Variants in RAB9A observed in about 807,000 individuals in gnomAD.
RAB9A encodes the protein ras-related protein Rab-9A.
RAB9A carries 1 observed loss-of-function variant against 10.3 expected under a neutral mutation model. The ratio of observed to expected loss-of-function variants is 0.10; its 90% confidence interval spans 0.03 to 0.46. The LOEUF (loss-of-function observed/expected upper bound fraction) is 0.46. RAB9A is among the 20% of genes least tolerant of loss of function. The probability of loss-of-function intolerance (pLI) is 0.96; values close to 1 mark genes in which losing one functional copy is unlikely to be tolerated. For synonymous variants in RAB9A, 39 were observed against 55.2 expected, an observed-to-expected ratio of 0.71 and a Z score of 1.30; for missense variants, 92 against 150.3, an observed-to-expected ratio of 0.61 and a Z score of 2.03.
chrX:13,693,013 G>A lies in RAB9A; in HGVS notation c.-116+3725G>A, dbSNP rs369129101. Among the ~76,000 whole-genome samples, 3 of 112,383 alleles carry A rather than the reference G, an allele frequency of 2.7e-5. No individual in the cohort carries two copies. In the East Asian group the frequency reaches 8.4e-4, roughly 31 times the overall value. ...GTCGAGATAAATTGGTGCTAGAGTT[G>A]TCTTGTTTGATCATTAATTGGCTTG... is the stretch of plus-strand genomic sequence containing the variant. On this transcript the variant is annotated intron_variant, in intron 1 of 2. Coordinates refer to ENST00000464506, the MANE Select transcript of RAB9A (RefSeq NM_004251.5).
chrX:13,708,137 C>T (rs773862247), intron 2 of RAB9A, among the ~76,000 whole-genome samples: 9 of 110,604 alleles, frequency 8.1e-5, no homozygotes, highest in African/African-American at 3.0e-4. Context: ...GCCTGGGCAA[C>T]GTGGTTGAGA....
chrX:13,699,369 G>A (rs1351759475), intron 1 of RAB9A, among the ~76,000 whole-genome samples: 1 of 112,206 alleles, frequency 8.9e-6, no homozygotes, highest in Non-Finnish European at 1.9e-5. Flanking sequence ...TATACTCTTC[G>A]TTCTCAATGT....
chrX:13,701,743 G>T (rs1052140413), intron 1 of RAB9A, among the ~76,000 whole-genome samples: 1 of 111,327 alleles, frequency 9.0e-6, no homozygotes, highest in Non-Finnish European at 1.9e-5. Context: ...CCACACGGCT[G>T]ACTAGGAGTT....
intron 1 of RAB9A, among the ~76,000 whole-genome samples, chrX:13,698,942 C>T (rs1288876575): frequency 1.0e-5 from 1 of 96,772 alleles, no homozygotes; most frequent in Admixed American, 1.2e-4. Context: ...AGGGTGAATC[C>T]AAAGGAACTT....
At chrX:13,707,271 A>G (rs2046202129) in intron 2 of RAB9A, among the ~76,000 whole-genome samples, 1 of 112,021 alleles carries the variant, frequency 8.9e-6, no homozygotes, top group African/African-American at 3.2e-5. Context: ...ACATTTTAGT[A>G]TACTTAAAAA....
chrX:13,700,707 A>G (rs2046169302), intron 1 of RAB9A, among the ~76,000 whole-genome samples: 2 of 111,743 alleles, frequency 1.8e-5, no homozygotes, highest in African/African-American at 6.5e-5. Context: ...AGTAGTGTAA[A>G]TCTAATTCTA....
rs1481489324 is a variant in RAB9A at position 13,697,485 on chromosome X, C to G, written c.-115-6329C>G. Among the ~76,000 whole-genome samples, 4 of 111,522 alleles carry G rather than the reference C, an allele frequency of 3.6e-5. No homozygotes were observed. In the East Asian group the frequency reaches 1.1e-3, roughly 31 times the overall value. On this transcript the variant is annotated intron_variant, in intron 1 of 2. Transcript: ENST00000464506. ...AGTACCTTTTACAGGTAAGTGTCAT[C>G]GCAGGTAGATTTATGCTTGGTTCTT...
chrX:13,699,219 A>G (rs1165473854), intron 1 of RAB9A, among the ~76,000 whole-genome samples: 2 of 112,132 alleles, frequency 1.8e-5, no homozygotes, highest in Admixed American at 1.9e-4. Flanking sequence ...AGTAAGAATC[A>G]ATGTTTTTGT....
intron 1 of RAB9A, among the ~76,000 whole-genome samples, chrX:13,698,918 T>A (rs187801076): frequency 6.3e-4 from 69 of 109,024 alleles, no homozygotes; most frequent in African/African-American, 2.2e-3. Flanking sequence ...AGTACACCTC[T>A]AAGTAGGACA....
intron 2 of RAB9A, among the ~76,000 whole-genome samples, chrX:13,708,013 G>A (rs1352145009): frequency 9.0e-6 from 1 of 111,226 alleles, no homozygotes; most frequent in African/African-American, 3.3e-5. Flanking sequence ...CTGAAGGGCT[G>A]TTTGAAGTTG....
chrX:13,707,025 T>C (rs1219684053), intron 2 of RAB9A, among the ~76,000 whole-genome samples: 1 of 112,344 alleles, frequency 8.9e-6, no homozygotes, highest in Non-Finnish European at 1.9e-5. Flanking sequence ...TAATACCTAC[T>C]TTCCTATTAA....
rs749500195 is a variant in RAB9A at position 13,707,573 on chromosome X, C to G, written c.-26-1148C>G. The stretch of plus-strand genomic sequence containing the variant: ...AACGGGCATCTGAAATCTCACCCCC[C>G]ACAGGCTGGCTCTTGTAGTGTAGTA... On this transcript the variant is annotated intron_variant, in intron 2 of 2. Transcript: ENST00000464506. Among the ~76,000 whole-genome samples the G allele has an allele frequency of 4.5e-5, 5 of 111,988 alleles. No homozygotes were observed. In the East Asian group the frequency reaches 1.4e-3, roughly 31 times the overall value.
chrX:13,689,636 C>T (rs1446283971), intron 1 of RAB9A, among the ~76,000 whole-genome samples: 1 of 111,898 alleles, frequency 8.9e-6, no homozygotes. Flanking sequence ...CCCAACCACT[C>T]CGGGACACAC....
chrX:13,693,710 G>C (rs1381222052), intron 1 of RAB9A, among the ~76,000 whole-genome samples: 1 of 112,045 alleles, frequency 8.9e-6, no homozygotes, highest in Admixed American at 9.4e-5. Flanking sequence ...TGAATACAGT[G>C]AGGATGACTA....
intron 1 of RAB9A, among the ~76,000 whole-genome samples, chrX:13,692,614 T>C (rs66846749): frequency 0.31 from 34,102 of 111,063 alleles, 3,952 homozygotes; most frequent in Non-Finnish European, 0.34. Flanking sequence ...TCTGGTGTTT[T>C]CTGGTCTCTT....
chrX:13,693,005 C>G (rs2046132723), intron 1 of RAB9A, among the ~76,000 whole-genome samples: 1 of 112,161 alleles, frequency 8.9e-6, no homozygotes, highest in African/African-American at 3.2e-5. Flanking sequence ...TAAATTGGTG[C>G]TAGAGTTGTC....
intron 1 of RAB9A, among the ~76,000 whole-genome samples, chrX:13,689,514 AACAC>A (rs965306968): frequency 3.0e-4 from 34 of 111,648 alleles, no homozygotes; most frequent in Admixed American, 6.6e-4. Flanking sequence ...GACTCACAGA[AACAC>A]ACACAAACAC....
intron 1 of RAB9A, 171 bp from the exon 2 acceptor site, chrX:13,703,643 T>C (rs748452642): frequency 8.0e-5 from 9 of 111,858 alleles, no homozygotes; most frequent in African/African-American, 2.6e-4. Context: ...GACCTTGACA[T>C]TGAATTTGAT....
chrX:13,707,324 C>G (rs751846261), intron 2 of RAB9A, among the ~76,000 whole-genome samples: 3 of 111,596 alleles, frequency 2.7e-5, no homozygotes, highest in African/African-American at 9.8e-5. Flanking sequence ...TAATCTGATT[C>G]GAAATAACTG....
Sources: allele counts gnomAD v4.1 joint callset (sites outside exome capture counted in the v4.1 genomes callset), GRCh38; gene constraint gnomAD v4.1.1; transcripts MANE v1.5; gene names NCBI Gene and HGNC (gene_info 2026-07-23, HGNC 2026-07-21).